MYH11: variants seen among roughly 807,000 people sequenced by gnomAD.
MYH11 encodes the protein myosin heavy chain 11.
Under a neutral mutation model 246.6 loss-of-function variants are expected in MYH11, and 80 were observed. The ratio of observed to expected loss-of-function variants is 0.32; its 90% CI spans 0.27 to 0.39. The LOEUF is 0.39. Ranked by LOEUF, MYH11 falls within the 10% of genes least tolerant of loss-of-function variation. The pLI, the probability that MYH11 is intolerant of heterozygous loss-of-function variation, is 1.00. For synonymous variants in MYH11, 1,071 were observed against 1,015.5 expected, an observed-to-expected ratio of 1.05 and a Z score of -1.04; for missense variants, 2,158 against 2,546.8, an observed-to-expected ratio of 0.85 and a Z score of 3.29.
chr16:15,754,465 G>A (rs1207159879), intron 14 of MYH11, among the ~76,000 whole-genome samples: 1 of 152,052 alleles, frequency 6.6e-6, no homozygotes, highest in African/African-American at 2.4e-5. Flanking sequence ...CAGGATAATA[G>A]GTAGGCTTGA....
rs200979632 is a variant in MYH11 at position 15,753,375 on chromosome 16, C to G, written c.1864+19G>C. The G allele has an allele frequency of 9.3e-6, 15 of 1,604,954 alleles. No homozygotes were observed. The African/African-American group carries it at 1.3e-4, about 14-fold the overall frequency. The stretch of plus-strand genomic sequence containing the variant: ...TCCAGCTCAAAGCAGAACATGGACC[C>G]GAGCAGAGAAGGCCTTACCGTCCTT... On this transcript the variant is annotated intron_variant, in intron 15 of 40. Coordinates refer to ENST00000300036, the MANE Select transcript of MYH11 (RefSeq NM_002474.3).
intron 3 of MYH11, among the ~76,000 whole-genome samples, chr16:15,807,907 G>A (rs1227715625): frequency 6.6e-6 from 1 of 152,214 alleles, no homozygotes; most frequent in African/African-American, 2.4e-5. Context: ...CCAAACACAA[G>A]CTGGTGGATT....
intron 24 of MYH11, 134 bp from the exon 25 acceptor site, chr16:15,737,754 G>A: frequency 2.2e-6 from 2 of 892,310 alleles, no homozygotes; most frequent in Non-Finnish European, 3.6e-6. Flanking sequence ...GTCACGGTCT[G>A]GACCATTATC....
intron 13 of MYH11, 67 bp downstream of exon 13, chr16:15,757,760 C>T (rs923856100): frequency 1.8e-5 from 29 of 1,598,180 alleles, no homozygotes; most frequent in Admixed American, 1.2e-4. Context: ...GGGTCCACGT[C>T]GGCTCCACAG....
chr16:15,757,501 C>CAGAGAAGCA (rs2041755416), intron 13 of MYH11, among the ~76,000 whole-genome samples: 1 of 75,112 alleles, frequency 1.3e-5, no homozygotes, highest in African/African-American at 6.1e-5. Context: ...AGAGTCAGAC[C>CAGAGAAGCA]ATGTCATAAA....
Position 15,780,239 on chromosome 16 carries a change from C to T in MYH11, c.727-1396G>A, listed in dbSNP as rs544564085. Among the ~76,000 whole-genome samples, 13 of 151,924 alleles carry T rather than the reference C, an allele frequency of 8.6e-5. No individual in the cohort carries two copies. The East Asian group carries it at 1.4e-3, about 16-fold the overall frequency. On this transcript the variant is annotated intron_variant, in intron 6 of 40. Coordinates refer to ENST00000300036, the MANE Select transcript of MYH11 (RefSeq NM_002474.3). The stretch of plus-strand genomic sequence containing the variant: ...CATCTGCTATGGAGATTTTGGAAAT[C>T]GGTGGAAGCCATTATTTGGCTTGTC...
chr16:15,724,750 A>G lies in MYH11; in HGVS notation c.4013T>C (p.Leu1338Pro). The change falls in exon 30 of 41, where the codon CTG becomes CCG. Residue 1338 changes from leucine to proline, a missense_variant. This residue lies in a region of MYH11 where 1,013 missense variants were observed against 993.5 expected (regional missense o/e 1.02). Coordinates refer to ENST00000300036, the MANE Select transcript of MYH11 (RefSeq NM_002474.3). ...GTTCCGCTCCTCCTCCAGCTGGCGCAGCTTCGTAGACACGTTGAGCTTCTG... is the reference window on the plus strand; with the variant it reads ...GTTCCGCTCCTCCTCCAGCTGGCGCGGCTTCGTAGACACGTTGAGCTTCTG... ...TRQKLNVSTK[L>P]RQLEEERNSL... is the part of the protein sequence containing the mutation. 1 of 1,614,156 alleles carries G rather than the reference A, an allele frequency of 6.2e-7. No homozygotes were observed. The highest frequency in any genetic ancestry group is 8.5e-7 in the Non-Finnish European group (1 of 1,180,034).
chr16:15,846,172 C>T (rs1413247882), intron 1 of MYH11, among the ~76,000 whole-genome samples: 1 of 152,046 alleles, frequency 6.6e-6, no homozygotes, highest in Non-Finnish European at 1.5e-5. Context: ...CTGCCTTTCA[C>T]ATAAGGTGGG....
chr16:15,810,599 G>A (rs1457582182), intron 3 of MYH11, among the ~76,000 whole-genome samples: 1 of 152,076 alleles, frequency 6.6e-6, no homozygotes, highest in African/African-American at 2.4e-5. Context: ...AAGAGACAGA[G>A]AAGCATTTGG....
In MYH11 at chr16:15,741,575, T is replaced by C. The variant is rs1382626826; in HGVS notation, c.2747A>G (p.Lys916Arg). 2 of 1,612,010 alleles carry C rather than the reference T, an allele frequency of 1.2e-6. No individual in the cohort carries two copies. Among genetic ancestry groups the C allele is most frequent in the Non-Finnish European group, 1.7e-6 (2 of 1,180,016 alleles). Residue 916 changes from lysine to arginine, a missense_variant, in exon 22 of 41, where the codon AAG becomes AGG. Physicochemically the swap from Lys to Arg is conservative, Grantham distance 26. Coordinates refer to ENST00000300036, the MANE Select transcript of MYH11 (RefSeq NM_002474.3). ...CAGTATCTCCTCCAGCTCCTGCTTC[T>C]TGGCCGCCAGCCGCACCCGCATCTC... ...AEEMRVRLAAKKQELEEILHE... is the reference protein window; with the variant it reads ...AEEMRVRLAARKQELEEILHE...
chr16:15,757,145 C>A (rs963510540), intron 13 of MYH11, among the ~76,000 whole-genome samples: 1 of 151,722 alleles, frequency 6.6e-6, no homozygotes, highest in Non-Finnish European at 1.5e-5. Context: ...TTGAATTCAC[C>A]TAGGGTTCCT....
chr16:15,756,301 G>A, intron 14 of MYH11, 40 bp downstream of exon 14: 1 of 1,608,334 alleles, frequency 6.2e-7, no homozygotes, highest in Non-Finnish European at 8.5e-7. Flanking sequence ...GCCACTGGGG[G>A]TCCCCTGAGA....
chr16:15,800,932 G>T (rs531319913), intron 3 of MYH11, among the ~76,000 whole-genome samples: 1 of 152,130 alleles, frequency 6.6e-6, no homozygotes. Flanking sequence ...CAGGCCGGGC[G>T]CAGTGGCTCA....
intron 26 of MYH11, among the ~76,000 whole-genome samples, chr16:15,733,779 G>A (rs2041036585): frequency 6.6e-6 from 1 of 152,128 alleles, no homozygotes; most frequent in Admixed American, 6.6e-5. Context: ...CTGACCTCAG[G>A]TGATCTGTCT....
chr16:15,753,521 C>T lies in MYH11; in HGVS notation c.1750-13G>A. 1 of 1,605,452 alleles carries T rather than the reference C, an allele frequency of 6.2e-7. No individual in the cohort carries two copies. ...CATTATAGTCCACCTGCCAAGGACA[C>T]CCTGCTGGTCAGAACCCCTGGGAAA... On this transcript the variant is annotated splice_polypyrimidine_tract_variant and intron_variant, in intron 14 of 40. Transcript: ENST00000300036.
rs139237029 is a variant in MYH11 at position 15,708,957 on chromosome 16, TTTTTA to T, written c.5787-4839_5787-4835del. 1,731 of 1,134,854 alleles carry T rather than the reference TTTTTA, an allele frequency of 1.5e-3. 19 individuals carry two copies. In the African/African-American group the frequency reaches 0.025, roughly 16 times the overall value. The allele number at this position is 1,134,854 out of a possible 1,614,324, so 70.3% of individuals were successfully genotyped here. A position where few individuals can be genotyped will look rare whatever the true frequency, so the allele number is the denominator to read the frequency against. On this transcript the variant is annotated intron_variant, in intron 40 of 40. Coordinates refer to ENST00000300036, the MANE Select transcript of MYH11 (RefSeq NM_002474.3). ...TCGATTTAATAATTAAAGGCACTCTTTTTTATTTTGAGATAGTCTCTGTCACCCAG... is the reference window on the plus strand; with the variant it reads ...TCGATTTAATAATTAAAGGCACTCTTTTTTGAGATAGTCTCTGTCACCCAG...
At chr16:15,764,594 G>A (rs368104184) in intron 9 of MYH11, among the ~76,000 whole-genome samples, 4 of 152,252 alleles carry the variant, frequency 2.6e-5, no homozygotes, top group Admixed American at 2.6e-4. Flanking sequence ...TCAAGAAGAG[G>A]CAAAACTAAT....
chr16:15,786,859 G>A, intron 4 of MYH11, 127 bp from the exon 5 acceptor site: 1 of 935,436 alleles, frequency 1.1e-6, no homozygotes, highest in Non-Finnish European at 1.7e-6. Flanking sequence ...GGCTCCCAGA[G>A]GGGAAGTAAC....
chr16:15,719,580 T>C lies in MYH11; in HGVS notation c.5082+5A>G. ...TGAGGCTCTCCTAGCAAGGCGAGGC[T>C]TTACCTCTTGTAGCTGCATGAGGTC... On this transcript the variant is annotated splice_donor_5th_base_variant and intron_variant, in intron 35 of 40. Transcript: ENST00000300036. The C allele has an allele frequency of 6.2e-7, 1 of 1,614,130 alleles. No individual in the cohort carries two copies. Among genetic ancestry groups the C allele is most frequent in the South Asian group, 1.1e-5 (1 of 91,080 alleles).
Sources: gnomAD v4.1 joint callset for allele counts (sites outside exome capture counted in the v4.1 genomes callset) on GRCh38, gnomAD v4.1.1 for gene constraint, gnomAD v4.1.1 regional missense constraint, MANE v1.5 for transcripts, NCBI Gene and HGNC (gene_info 2026-07-23, HGNC 2026-07-21) for gene names.